COL14A1: variants seen among roughly 807,000 people sequenced by gnomAD.
The protein encoded by COL14A1 is collagen type XIV alpha 1 chain, also known as collagen alpha-1(XIV) chain.
COL14A1 carries 136 observed loss-of-function variants against 230.3 expected under a neutral mutation model. The observed-to-expected ratio is 0.59, with a 90% CI of 0.51 to 0.68. COL14A1 has a LOEUF of 0.68. Among genes scored for constraint, COL14A1 ranks in the 30% least tolerant of loss-of-function variants. COL14A1 has a pLI of 0.00. For missense variants in COL14A1, 1,976 were observed against 2,215.8 expected (o/e 0.89, Z 2.17); for synonymous variants, 792 against 784.1 (o/e 1.01, Z -0.17).
chr8:120,192,669 A>T lies in COL14A1; in HGVS notation c.437-4122A>T, dbSNP rs1297790857. 2.0e-5 allele frequency among the ~76,000 whole-genome samples: 3 copies of T among 152,030 alleles called. No homozygotes were observed. The East Asian group carries it at 5.8e-4, about 29-fold the overall frequency. On this transcript the variant is annotated intron_variant, in intron 5 of 47. Coordinates refer to ENST00000297848, the MANE Select transcript of COL14A1 (RefSeq NM_021110.4). Reference sequence around the variant, plus strand: ...CCAACTTGGTTCCATTCTCCCCGTCACTTTCAGGTAAACCAATCAGACATA... The same window carrying T: ...CCAACTTGGTTCCATTCTCCCCGTCTCTTTCAGGTAAACCAATCAGACATA...
chr8:120,363,293 A>G (rs6469920), intron 45 of COL14A1, among the ~76,000 whole-genome samples: 36,769 of 152,148 alleles, frequency 0.24, 6,731 homozygotes, highest in African/African-American at 0.51. Flanking sequence ...GGATGAAGCT[A>G]GAAGCCATCA....
chr8:120,315,149 C>T (rs890515771), intron 38 of COL14A1, among the ~76,000 whole-genome samples: 1 of 152,074 alleles, frequency 6.6e-6, no homozygotes, highest in East Asian at 1.9e-4. Context: ...GCAGGCAGAT[C>T]ACCTGAAGTC....
intron 40 of COL14A1, among the ~76,000 whole-genome samples, chr8:120,319,025 T>A (rs1264615993): frequency 6.6e-6 from 1 of 152,210 alleles, no homozygotes; most frequent in Non-Finnish European, 1.5e-5. Flanking sequence ...CAATGATGTT[T>A]AATCGGCGCT....
At chr8:120,209,649 C>T in intron 11 of COL14A1, 107 bp from the exon 12 acceptor site, 1 of 1,145,952 alleles carries the variant, frequency 8.7e-7, no homozygotes, top group Non-Finnish European at 1.2e-6. Flanking sequence ...TTCTTAATCC[C>T]TTTCTCCCTT....
chr8:120,169,179 T>C (rs1012378384), intron 5 of COL14A1, among the ~76,000 whole-genome samples: 3 of 152,168 alleles, frequency 2.0e-5, no homozygotes, highest in Non-Finnish European at 2.9e-5. Context: ...TTGATGGGCA[T>C]TTAATGTTGT....
chr8:120,216,449 C>T lies in COL14A1; in HGVS notation c.1696C>T (p.Arg566Ter), dbSNP rs754788674. Residue 566 changes from arginine to a stop codon, truncating the protein, a stop_gained, in exon 14 of 48, where the codon CGA becomes TGA. Coordinates refer to ENST00000297848, the MANE Select transcript of COL14A1 (RefSeq NM_021110.4). LOFTEE classifies it high-confidence loss of function. Reference sequence around the variant, plus strand: ...AACTTCAAGACAGATCAATGGTTATCGAATTGTATATAACAATGCAGATGG... The same window carrying T: ...AACTTCAAGACAGATCAATGGTTATTGAATTGTATATAACAATGCAGATGG... Reference protein sequence around the residue: ...DPTSRQINGYRIVYNNADGTE... With the variant: ...DPTSRQINGY 2 of 1,613,546 alleles carry T rather than the reference C, an allele frequency of 1.2e-6. No individual in the cohort carries two copies. Among genetic ancestry groups the T allele is most frequent in the South Asian group, 1.1e-5 (1 of 91,004 alleles).
chr8:120,129,656 CA>C (rs1814463817), intron 1 of COL14A1, among the ~76,000 whole-genome samples: 1 of 152,220 alleles, frequency 6.6e-6, no homozygotes, highest in Admixed American at 6.5e-5. Context: ...CCTCTCTGTG[CA>C]AACCTATGGC....
chr8:120,263,692 C>A (rs904323374), intron 24 of COL14A1, among the ~76,000 whole-genome samples: 2 of 151,962 alleles, frequency 1.3e-5, no homozygotes, highest in African/African-American at 4.8e-5. Flanking sequence ...TGAATTTAAA[C>A]TTGAAATTCC....
intron 42 of COL14A1, among the ~76,000 whole-genome samples, chr8:120,334,619 C>CACACCT (rs1554625006): frequency 6.6e-6 from 1 of 150,754 alleles, no homozygotes; most frequent in African/African-American, 2.4e-5. Flanking sequence ...CACACACACA[C>CACACCT]CTGTCTTCAT....
rs563906832 is a variant in COL14A1 at position 120,209,857 on chromosome 8, C to T, written c.1423C>T (p.Leu475Phe). ...AVPGASGYLILYAPLTEGLAG... is the reference protein window; with the variant it reads ...AVPGASGYLIFYAPLTEGLAG... ...GCCTGGGGCCTCAGGTTACCTGATCCTTTATGCTCCTCTAACAGAGGGCCT... is the reference window on the plus strand; with the variant it reads ...GCCTGGGGCCTCAGGTTACCTGATCTTTTATGCTCCTCTAACAGAGGGCCT... Residue 475 changes from leucine (L) to phenylalanine (F), a missense_variant, in exon 12 of 48, where the codon CTT becomes TTT. Physicochemically the swap from Leu to Phe is conservative, Grantham distance 22. This residue lies in a region of COL14A1 where 1,791 missense variants were observed against 2,019.5 expected (regional missense o/e 0.89). Transcript: ENST00000297848. 3 of 1,613,568 alleles carry T rather than the reference C, an allele frequency of 1.9e-6. No individual in the cohort carries two copies. The highest frequency in any genetic ancestry group is 2.7e-5 in the African/African-American group (2 of 74,994).
At chr8:120,255,379 GT>G (rs779424874) in intron 23 of COL14A1, 23 bp downstream of exon 23, 2 of 1,525,554 alleles carry the variant, frequency 1.3e-6, no homozygotes, top group South Asian at 2.2e-5. Flanking sequence ...CATCACTTAC[GT>G]TTTTGTCAAG....
At chr8:120,216,079 A>G (rs1817741524) in intron 13 of COL14A1, among the ~76,000 whole-genome samples, 1 of 152,182 alleles carries the variant, frequency 6.6e-6, no homozygotes, top group South Asian at 2.1e-4. Flanking sequence ...AGCTAGAGTG[A>G]TAGGCCGAGA....
chr8:120,261,769 T>G (rs1046947418), intron 23 of COL14A1, among the ~76,000 whole-genome samples: 1 of 152,206 alleles, frequency 6.6e-6, no homozygotes, highest in Non-Finnish European at 1.5e-5. Flanking sequence ...TATGGCCCTA[T>G]GCTATGTAAG....
At position 120,158,188 on chromosome 8, in the gene COL14A1, A is replaced by G. The variant is rs146249434; in HGVS notation, c.147A>G (p.Ser49=). 5.0e-4 allele frequency: 811 copies of G among 1,611,464 alleles called. 5 individuals carry two copies. The highest frequency in any genetic ancestry group is 5.0e-4 in the Middle Eastern group (3 of 6,054). ...NVISHDSIQI[S]WKAPRGKFGG... ...TATCTCATGACAGTATACAGATTTC[A>G]TGGAAGGCTCCAAGAGGGAAATTTG... is the stretch of plus-strand genomic sequence containing the variant. The change falls in exon 3 of 48, where the codon TCA becomes TCG. Residue 49 remains serine, a synonymous_variant. Coordinates refer to ENST00000297848, the MANE Select transcript of COL14A1 (RefSeq NM_021110.4).
At chr8:120,290,314 T>C (rs1189225890) in intron 34 of COL14A1, among the ~76,000 whole-genome samples, 1 of 152,188 alleles carries the variant, frequency 6.6e-6, no homozygotes, top group East Asian at 1.9e-4. Context: ...TAAGATAATA[T>C]ATTTTTTACC....
intron 1 of COL14A1, among the ~76,000 whole-genome samples, chr8:120,126,730 T>A (rs903978328): frequency 6.6e-6 from 1 of 152,196 alleles, no homozygotes; most frequent in African/African-American, 2.4e-5. Flanking sequence ...GAAGGACCGG[T>A]GTTCTGTTTC....
chr8:120,225,487 C>A (rs1250221715), intron 15 of COL14A1, among the ~76,000 whole-genome samples: 1 of 152,040 alleles, frequency 6.6e-6, no homozygotes, highest in East Asian at 1.9e-4. Flanking sequence ...AATCTTATAT[C>A]TTTTACTTTC....
At chr8:120,337,999 G>A (rs990153849) in intron 42 of COL14A1, among the ~76,000 whole-genome samples, 5 of 152,112 alleles carry the variant, frequency 3.3e-5, no homozygotes, top group East Asian at 1.9e-4. Context: ...AAACACATCC[G>A]TCCCTACATA....
intron 36 of COL14A1, among the ~76,000 whole-genome samples, chr8:120,308,495 T>A (rs1225878018): frequency 6.6e-6 from 1 of 152,248 alleles, no homozygotes; most frequent in African/African-American, 2.4e-5. Flanking sequence ...CATCACATAT[T>A]TAAAACATAC....
Sources: gnomAD v4.1 joint callset for allele counts (sites outside exome capture counted in the v4.1 genomes callset) on GRCh38, gnomAD v4.1.1 for gene constraint, gnomAD v4.1.1 regional missense constraint, MANE v1.5 for transcripts, NCBI Gene and HGNC (gene_info 2026-07-23, HGNC 2026-07-21) for gene names.